HERC5: variants seen among roughly 807,000 people sequenced by gnomAD.
HERC5 encodes E3 ISG15--protein ligase HERC5.
Under a neutral mutation model 119.6 loss-of-function variants are expected in HERC5, and 99 were observed. That is an observed-to-expected ratio of 0.83 (90% CI 0.70 to 0.98). The LOEUF (loss-of-function observed/expected upper bound fraction) is 0.98. Ranked by LOEUF, HERC5 falls within the 50% of genes least tolerant of loss-of-function variation. The probability of loss-of-function intolerance (pLI) is 0.00; values close to 1 mark genes in which losing one functional copy is unlikely to be tolerated. For synonymous variants in HERC5, 478 were observed against 445.9 expected, an observed-to-expected ratio of 1.07 and a Z score of -0.91; for missense variants, 1,267 against 1,241.3, an observed-to-expected ratio of 1.02 and a Z score of -0.31.
At chr4:88,465,089 A>AT (rs746769469) in intron 6 of HERC5, among the ~76,000 whole-genome samples, 1 of 151,936 alleles carries the variant, frequency 6.6e-6, no homozygotes, top group Non-Finnish European at 1.5e-5. Flanking sequence ...TAATTTTTGT[A>AT]TTTTTAGTAG....
chr4:88,460,758 G>A (rs1304855379), intron 3 of HERC5, among the ~76,000 whole-genome samples: 4 of 152,202 alleles, frequency 2.6e-5, no homozygotes, highest in Admixed American at 1.3e-4. Context: ...GGAGGCTGAG[G>A]TGGGAGGATC....
intron 18 of HERC5, among the ~76,000 whole-genome samples, chr4:88,497,868 C>T (rs1319842862): frequency 1.3e-5 from 2 of 152,130 alleles, no homozygotes; most frequent in African/African-American, 4.8e-5. Context: ...GCTGTCACTC[C>T]CATCATAGGC....
chr4:88,488,019 A>G (rs1383578110), intron 15 of HERC5, among the ~76,000 whole-genome samples: 2 of 152,198 alleles, frequency 1.3e-5, no homozygotes, highest in Non-Finnish European at 2.9e-5. Context: ...TGCATTTACC[A>G]TAATAAAAAT....
intron 9 of HERC5, 87 bp downstream of exon 9, chr4:88,469,347 G>A: frequency 1.2e-6 from 1 of 857,432 alleles, no homozygotes; most frequent in African/African-American, 1.7e-5. Context: ...ATGAGATTTT[G>A]TAGTCAGGGT....
intron 16 of HERC5, 62 bp downstream of exon 16, chr4:88,489,398 G>A (rs2149102906): frequency 7.0e-7 from 1 of 1,436,838 alleles, no homozygotes; most frequent in Non-Finnish European, 9.5e-7. Flanking sequence ...AAAAGAATGT[G>A]GCAAAGGGTT....
At chr4:88,477,204 A>C (rs2149095969) in intron 12 of HERC5, among the ~76,000 whole-genome samples, 1 of 120,244 alleles carries the variant, frequency 8.3e-6, no homozygotes, top group Non-Finnish European at 1.7e-5. Context: ...ATCTCTACTA[A>C]AAATACAATC....
At chr4:88,465,570 T>C (rs990953369) in intron 6 of HERC5, among the ~76,000 whole-genome samples, 20 of 152,320 alleles carry the variant, frequency 1.3e-4, no homozygotes, top group African/African-American at 4.3e-4. Context: ...TCATTCGGTA[T>C]CTCTTAACCA....
At position 88,499,916 on chromosome 4, in the gene HERC5, T is replaced by C. The variant is rs1487170088; in HGVS notation, c.2445-10T>C. The C allele has an allele frequency of 6.3e-7, 1 of 1,588,736 alleles. No homozygotes were observed. Among genetic ancestry groups the C allele is most frequent in the South Asian group, 1.1e-5 (1 of 89,852 alleles). On this transcript the variant is annotated splice_polypyrimidine_tract_variant and intron_variant, in intron 18 of 22. Transcript: ENST00000264350. ...TTACCTTTTTAAAAGCAAGATTATT[T>C]TTTCCTTAGGAATTTGCAAACACTT...
At chr4:88,495,367 G>T (rs1411481413) in intron 18 of HERC5, among the ~76,000 whole-genome samples, 1 of 151,960 alleles carries the variant, frequency 6.6e-6, no homozygotes, top group East Asian at 1.9e-4. Flanking sequence ...TGACCAACAC[G>T]GCGAGACCTC....
intron 22 of HERC5, 105 bp downstream of exon 22, chr4:88,504,702 C>A: frequency 1.9e-6 from 1 of 534,770 alleles, no homozygotes; most frequent in Non-Finnish European, 3.1e-6. Context: ...AGTGTCAGAG[C>A]TACGCCTAGT....
intron 13 of HERC5, among the ~76,000 whole-genome samples, chr4:88,485,891 A>G (rs1449493119): frequency 6.6e-6 from 1 of 152,150 alleles, no homozygotes; most frequent in Non-Finnish European, 1.5e-5. Flanking sequence ...ATTAAAAATA[A>G]CTAGAGGTTT....
In HERC5 at chr4:88,470,658, G is replaced by GT; in HGVS notation, c.1289dup (p.Leu430PhefsTer18). 6.8e-7 allele frequency: 1 copy of GT among 1,464,120 alleles called. No homozygotes were observed. The highest frequency in any genetic ancestry group is 9.5e-7 in the Non-Finnish European group (1 of 1,049,434). 90.7% of individuals were successfully genotyped at this position (1,464,120 alleles called of 1,614,324 possible). ...TCATCTCCTGCTTGTCTAACTGGAA[G>GT]TTTTTTAAGGAAAAGGTAATATATG... On this transcript the variant is annotated frameshift_variant, in exon 10 of 23. Coordinates refer to ENST00000264350, the MANE Select transcript of HERC5 (RefSeq NM_016323.4). LOFTEE classifies it high-confidence loss of function.
At chr4:88,470,593 A>G (rs1740834655) in intron 9 of HERC5, 21 bp from the exon 10 acceptor site, 1 of 1,375,034 alleles carries the variant, frequency 7.3e-7, no homozygotes, top group South Asian at 1.2e-5. Flanking sequence ...TGGTTTAACC[A>G]GTGTCTTATT....
intron 15 of HERC5, 28 bp downstream of exon 15, chr4:88,487,207 C>T (rs1266784814): frequency 8.1e-7 from 1 of 1,233,266 alleles, no homozygotes; most frequent in Non-Finnish European, 1.2e-6. Context: ...TCTTCATTAG[C>T]ATAAATCACA....
chr4:88,469,298 T>C, intron 9 of HERC5, 38 bp downstream of exon 9: 2 of 1,350,490 alleles, frequency 1.5e-6, no homozygotes, highest in Non-Finnish European at 2.1e-6. Flanking sequence ...TATATATCAC[T>C]CTCAAGTATC....
rs1740195568 is a variant in HERC5 at position 88,457,456 on chromosome 4, C to T, written c.187C>T (p.Leu63Phe). ...TRQLCCSPGR[L>F]AVLERGGAGV... ...CCAACTCTGCTGCTCGCCGGGGCGC[C>T]TCGCGGTCTTGGAACGCGGCGGGGC... The change falls in exon 1 of 23, where the codon CTC becomes TTC. Residue 63 changes from leucine to phenylalanine, a missense_variant. Coordinates refer to ENST00000264350, the MANE Select transcript of HERC5 (RefSeq NM_016323.4). 2 of 1,345,518 alleles carry T rather than the reference C, an allele frequency of 1.5e-6. No homozygotes were observed. Among genetic ancestry groups the T allele is most frequent in the Non-Finnish European group, 1.9e-6 (2 of 1,050,922 alleles). The allele number at this position is 1,345,518 out of a possible 1,614,324, so 83.3% of individuals were successfully genotyped here.
At chr4:88,495,074 A>G (rs534173244) in intron 18 of HERC5, among the ~76,000 whole-genome samples, 2 of 152,330 alleles carry the variant, frequency 1.3e-5, no homozygotes, top group South Asian at 2.1e-4. Flanking sequence ...CAACTCAACA[A>G]TTCTACTTCT....
chr4:88,469,109 C>T, intron 8 of HERC5, 48 bp from the exon 9 acceptor site: 2 of 1,339,558 alleles, frequency 1.5e-6, no homozygotes, highest in African/African-American at 2.9e-5. Context: ...GGGTGCCTAT[C>T]TCTGATGTGT....
At position 88,457,301 on chromosome 4, in the gene HERC5, G is replaced by C; in HGVS notation, c.32G>C (p.Arg11Pro). 2 of 1,367,436 alleles carry C rather than the reference G, an allele frequency of 1.5e-6. No homozygotes were observed. Among genetic ancestry groups the C allele is most frequent in the South Asian group, 1.7e-5 (1 of 60,068 alleles). 84.7% of individuals were successfully genotyped at this position (1,367,436 alleles called of 1,614,324 possible). The change falls in exon 1 of 23, where the codon CGC becomes CCC. Residue 11 changes from arginine (R) to proline (P), a missense_variant. Physicochemically the swap from Arg to Pro is moderately radical, Grantham distance 103. Transcript: ENST00000264350. MERRSRRKSRRNGRSTAGKAA... is the reference protein window; with the variant it reads MERRSRRKSRPNGRSTAGKAA... ...CGGAGGTCGCGGAGGAAGTCGCGGC[G>C]CAACGGGCGCTCGACCGCGGGCAAG...
Sources: gnomAD v4.1 joint callset for allele counts (sites outside exome capture counted in the v4.1 genomes callset) on GRCh38, gnomAD v4.1.1 for gene constraint, MANE v1.5 for transcripts, NCBI Gene and HGNC (gene_info 2026-07-23, HGNC 2026-07-21) for gene names.